FARS2: variants seen among roughly 807,000 people sequenced by gnomAD.
The protein encoded by FARS2 is phenylalanyl-tRNA synthetase 2, mitochondrial.
FARS2 carries 40 observed loss-of-function variants against 46.4 expected under a neutral mutation model. The observed-to-expected ratio is 0.86, with a 90% CI of 0.67 to 1.12. The LOEUF (loss-of-function observed/expected upper bound fraction) is 1.12. Ranked by LOEUF, FARS2 falls within the 50% of genes most tolerant of loss-of-function variation. The pLI, the probability that FARS2 is intolerant of heterozygous loss-of-function variation, is 0.00. For missense variants in FARS2, 513 were observed against 567.9 expected (o/e 0.90, Z 0.98); for synonymous variants, 234 against 214.9 (o/e 1.09, Z -0.78).
Position 5,412,407 on chromosome 6 carries a change from A to G in FARS2, c.772+7706A>G, listed in dbSNP as rs989352826. 3.3e-5 allele frequency among the ~76,000 whole-genome samples: 5 copies of G among 152,328 alleles called. No individual in the cohort carries two copies. In the South Asian group the frequency reaches 1.0e-3, roughly 32 times the overall value. On this transcript the variant is annotated intron_variant, in intron 3 of 6. Coordinates refer to ENST00000274680, the MANE Select transcript of FARS2 (RefSeq NM_006567.5). ...AGTTCGTTGACTTCTCCCTCTGCCCAGTTTGCTGCCACTGTCTTCATCCAC... is the reference window on the plus strand; with the variant it reads ...AGTTCGTTGACTTCTCCCTCTGCCCGGTTTGCTGCCACTGTCTTCATCCAC...
intron 4 of FARS2, among the ~76,000 whole-genome samples, chr6:5,447,815 G>A (rs1718906439): frequency 6.6e-6 from 1 of 152,216 alleles, no homozygotes; most frequent in South Asian, 2.1e-4. Context: ...AGGCACAACT[G>A]CCCTTAAGGA....
intron 4 of FARS2, among the ~76,000 whole-genome samples, chr6:5,454,130 G>T (rs1235370672): frequency 3.4e-5 from 5 of 145,814 alleles, no homozygotes; most frequent in Admixed American, 1.4e-4. Context: ...TGGTTTGTTT[G>T]TTTTTTTCAA....
At chr6:5,472,210 G>A (rs139320712) in intron 4 of FARS2, among the ~76,000 whole-genome samples, 2,055 of 152,276 alleles carry the variant, frequency 0.013, 21 homozygotes, top group Non-Finnish European at 0.019. Context: ...CCTGTGGGCC[G>A]CATGTCACTG....
chr6:5,546,796 C>T (rs1413382767), intron 5 of FARS2, among the ~76,000 whole-genome samples: 3 of 151,828 alleles, frequency 2.0e-5, no homozygotes, highest in South Asian at 4.2e-4. Context: ...AATCATTCCC[C>T]AGATAACTGT....
intron 6 of FARS2, among the ~76,000 whole-genome samples, chr6:5,684,188 T>C (rs751607584): frequency 2.0e-5 from 3 of 152,162 alleles, no homozygotes; most frequent in Non-Finnish European, 4.4e-5. Flanking sequence ...GTGTCATCAT[T>C]GTTACCTGCA....
chr6:5,284,598 C>T (rs944191926), intron 1 of FARS2, among the ~76,000 whole-genome samples: 2 of 152,164 alleles, frequency 1.3e-5, no homozygotes, highest in African/African-American at 4.8e-5. Context: ...TGTTATTTAT[C>T]ACTGGAACTA....
intron 6 of FARS2, among the ~76,000 whole-genome samples, chr6:5,737,010 A>C (rs1760994944): frequency 1.3e-5 from 2 of 152,196 alleles, no homozygotes; most frequent in African/African-American, 2.4e-5. Flanking sequence ...CATTCATTTA[A>C]ATTTACTCTA....
In FARS2 at chr6:5,526,170, G is replaced by A. The variant is rs182030435; in HGVS notation, c.905-19010G>A. Among the ~76,000 whole-genome samples the A allele has an allele frequency of 2.0e-4, 31 of 152,236 alleles. No homozygotes were observed. The East Asian group carries it at 3.1e-3, about 15-fold the overall frequency. ...GAGTTTCTCTCAAATTCCTCTCAGC[G>A]CTCAAGTGGAAGGAAAGAGTTGTCT... On this transcript the variant is annotated intron_variant, in intron 4 of 6. Coordinates refer to ENST00000274680, the MANE Select transcript of FARS2 (RefSeq NM_006567.5).
intron 1 of FARS2, among the ~76,000 whole-genome samples, chr6:5,324,622 G>A (rs1770228256): frequency 6.6e-6 from 1 of 151,534 alleles, no homozygotes; most frequent in South Asian, 2.1e-4. Flanking sequence ...CCTTTTGTGA[G>A]GTAAATTTCC....
rs148092216 is a variant in FARS2 at position 5,370,342 on chromosome 6, G to A, written c.612+1160G>A. Among the ~76,000 whole-genome samples, 214 of 152,038 alleles carry A rather than the reference G, an allele frequency of 1.4e-3. 2 individuals carry two copies. The highest frequency in any genetic ancestry group is 4.5e-3 in the African/African-American group (188 of 41,464). The stretch of plus-strand genomic sequence containing the variant: ...TTAGCCTTACACAAAAAGGCCATCC[G>A]TGCTGGATCTCGGGGGATCTCAAAT... On this transcript the variant is annotated intron_variant, in intron 2 of 6. Transcript: ENST00000274680.
rs533493624 is a variant in FARS2, at chr6:5,636,470, G to A, written c.1217+23150G>A. On this transcript the variant is annotated intron_variant, in intron 6 of 6. Transcript: ENST00000274680. ...CCTGCAGTCTCTGCTGATTGGACCC[G>A]GACAGATGCTTGACCCACGAAGGAA... Among the ~76,000 whole-genome samples, 9 of 152,186 alleles carry A rather than the reference G, an allele frequency of 5.9e-5. No homozygotes were observed. The East Asian group carries it at 7.7e-4, about 13-fold the overall frequency.
chr6:5,467,768 G>A (rs1424865128), intron 4 of FARS2, among the ~76,000 whole-genome samples: 1 of 151,940 alleles, frequency 6.6e-6, no homozygotes, highest in Non-Finnish European at 1.5e-5. Context: ...AATAAATGTG[G>A]TCAGACCAAA....
intron 4 of FARS2, among the ~76,000 whole-genome samples, chr6:5,459,111 A>G (rs985646889): frequency 2.0e-5 from 3 of 152,246 alleles, no homozygotes; most frequent in Admixed American, 1.3e-4. Context: ...CCATGTGGCC[A>G]GCATGGAGGG....
intron 1 of FARS2, among the ~76,000 whole-genome samples, chr6:5,279,225 A>G (rs891365359): frequency 6.6e-6 from 1 of 151,744 alleles, no homozygotes; most frequent in Non-Finnish European, 1.5e-5. Flanking sequence ...AAAATACAAA[A>G]AATTAGCCGG....
chr6:5,717,049 A>G (rs989630862), intron 6 of FARS2, among the ~76,000 whole-genome samples: 4 of 152,234 alleles, frequency 2.6e-5, no homozygotes, highest in African/African-American at 9.6e-5. Context: ...GTCTCTTCAG[A>G]TTCTTCTTCG....
chr6:5,466,774 C>A, intron 4 of FARS2: 1 of 982,406 alleles, frequency 1.0e-6, no homozygotes. Context: ...GAAGCAGCAC[C>A]CCTGGTGATT....
intron 4 of FARS2, among the ~76,000 whole-genome samples, chr6:5,465,010 C>G (rs1023420783): frequency 6.6e-6 from 1 of 152,068 alleles, no homozygotes; most frequent in East Asian, 1.9e-4. Context: ...GTGGAGAGTG[C>G]GGAAGCTTGA....
At chr6:5,400,241 A>AT (rs1453502404) in intron 2 of FARS2, among the ~76,000 whole-genome samples, 12 of 152,052 alleles carry the variant, frequency 7.9e-5, no homozygotes. Context: ...TCATGTGTTC[A>AT]GGGGTCATTT....
chr6:5,720,760 CT>C (rs1366399316), intron 6 of FARS2, among the ~76,000 whole-genome samples: 8 of 152,172 alleles, frequency 5.3e-5, no homozygotes, highest in Non-Finnish European at 1.2e-4. Context: ...TGTTTAAATG[CT>C]TTGCCTGGGC....
Sources: allele counts gnomAD v4.1 joint callset (sites outside exome capture counted in the v4.1 genomes callset), GRCh38; gene constraint gnomAD v4.1.1; transcripts MANE v1.5; gene names NCBI Gene and HGNC (gene_info 2026-07-23, HGNC 2026-07-21).